Variants in PLCH1 observed in about 807,000 individuals in gnomAD.
PLCH1 encodes phospholipase C eta 1.
A neutral mutation model predicts 126.7 loss-of-function variants in PLCH1; 60 were observed. The observed-to-expected ratio is 0.47, with a 90% CI of 0.38 to 0.59. The LOEUF (loss-of-function observed/expected upper bound fraction) is 0.59, where lower values mean the gene tolerates loss of function less well. Among genes scored for constraint, PLCH1 ranks in the 20% least tolerant of loss-of-function variants. The pLI is 0.00. For missense variants in PLCH1, 1,723 were observed against 2,040.0 expected, an observed-to-expected ratio of 0.84 and a Z score of 2.99; for synonymous variants, 719 against 734.9, an observed-to-expected ratio of 0.98 and a Z score of 0.35.
At chr3:155,510,203 G>T (rs1350575598) in intron 12 of PLCH1, among the ~76,000 whole-genome samples, 2 of 109,424 alleles carry the variant, frequency 1.8e-5, no homozygotes, top group Non-Finnish European at 3.5e-5. Flanking sequence ...TTTTCCATTG[G>T]CTTGGTGGAT....
At chr3:155,732,638 G>A (rs145746240) in intron 1 of PLCH1, among the ~76,000 whole-genome samples, 5,200 of 152,162 alleles carry the variant, frequency 0.034, 121 homozygotes, top group Non-Finnish European at 0.052. Flanking sequence ...AGCACTTTGG[G>A]AAGCTGAGGC....
In PLCH1 at chr3:155,494,324, C is replaced by T; in HGVS notation, c.2074+14G>A. ...GAATATACAGAGAACCACTCCTTCC[C>T]AAGGAATACACACCTAGCTGGCAGC... On this transcript the variant is annotated intron_variant, in intron 16 of 22. Coordinates refer to ENST00000460012, the MANE Select transcript of PLCH1 (RefSeq NM_014996.4). The T allele has an allele frequency of 6.2e-7, 1 of 1,613,810 alleles. No individual in the cohort carries two copies. The highest frequency in any genetic ancestry group is 8.5e-7 in the Non-Finnish European group (1 of 1,179,742).
At chr3:155,512,841 T>A (rs1313653358) in intron 12 of PLCH1, among the ~76,000 whole-genome samples, 12 of 152,224 alleles carry the variant, frequency 7.9e-5, no homozygotes, top group Admixed American at 7.8e-4. Flanking sequence ...ATTTCTGAAC[T>A]ATCACTATGG....
rs542845919 is a variant in PLCH1, at chr3:155,629,940, T to C, written c.80-33562A>G. On this transcript the variant is annotated intron_variant, in intron 2 of 22. Transcript: ENST00000460012. Reference sequence around the variant, plus strand: ...CTCCTTTTTTATATTCAGGTGAAGATTAAGTAATTTAAAGGGACAAGTCCT... The same window carrying C: ...CTCCTTTTTTATATTCAGGTGAAGACTAAGTAATTTAAAGGGACAAGTCCT... Among the ~76,000 whole-genome samples, 3 of 152,334 alleles carry C rather than the reference T, an allele frequency of 2.0e-5. No homozygotes were observed. In the South Asian group the frequency reaches 6.2e-4, roughly 32 times the overall value.
At chr3:155,630,096 C>A (rs1737850793) in intron 2 of PLCH1, among the ~76,000 whole-genome samples, 1 of 152,142 alleles carries the variant, frequency 6.6e-6, no homozygotes, top group Non-Finnish European at 1.5e-5. Flanking sequence ...ATTTTCTGTG[C>A]CTAGACGAAT....
Position 155,482,022 on chromosome 3 carries a change from T to A in PLCH1, c.4004A>T (p.Asp1335Val), listed in dbSNP as rs1714153297. The A allele has an allele frequency of 1.9e-6, 3 of 1,614,148 alleles. No individual in the cohort carries two copies. The highest frequency in any genetic ancestry group is 2.5e-6 in the Non-Finnish European group (3 of 1,180,012). Residue 1335 changes from aspartate (D) to valine (V), a missense_variant, in exon 23 of 23, where the codon GAT (aspartate) becomes GTT (valine). By Grantham distance (152) the Asp-to-Val change is radical. Transcript: ENST00000460012. ...PASSPDLTLE[D>V]VIADPTLCFN... ...ACAGAGAGTGGGATCAGCTATTACA[T>A]CCTCCAGGGTCAAATCAGGGGAAGA...
intron 2 of PLCH1, among the ~76,000 whole-genome samples, chr3:155,624,421 A>G (rs1736968740): frequency 6.6e-6 from 1 of 152,208 alleles, no homozygotes; most frequent in Admixed American, 6.5e-5. Flanking sequence ...CAGGAGAAAG[A>G]AATAAAGGGT....
chr3:155,504,508 TC>T (rs1203621611), intron 13 of PLCH1, 46 bp downstream of exon 13: 1 of 1,026,408 alleles, frequency 9.7e-7, no homozygotes, highest in Non-Finnish European at 1.5e-6. Flanking sequence ...TCTTCCAGAA[TC>T]TTTAAATTAA....
chr3:155,491,553 G>A (rs917498373), intron 18 of PLCH1, among the ~76,000 whole-genome samples: 11 of 152,150 alleles, frequency 7.2e-5, no homozygotes, highest in African/African-American at 2.2e-4. Flanking sequence ...GTGAGCCACC[G>A]TGCCTGGTCA....
intron 1 of PLCH1, among the ~76,000 whole-genome samples, chr3:155,713,880 C>T (rs1366961118): frequency 2.0e-5 from 3 of 152,076 alleles, no homozygotes; most frequent in African/African-American, 7.2e-5. Flanking sequence ...CCCTAATATC[C>T]CAATCCATTC....
chr3:155,738,380 G>C (rs181886633), intron 1 of PLCH1, among the ~76,000 whole-genome samples: 161 of 152,310 alleles, frequency 1.1e-3, no homozygotes, highest in African/African-American at 3.7e-3. Context: ...AGTGGCTCGT[G>C]CCTGTAATCT....
chr3:155,601,984 GT>G (rs1490810295), intron 2 of PLCH1, among the ~76,000 whole-genome samples: 1 of 151,944 alleles, frequency 6.6e-6, no homozygotes, highest in Non-Finnish European at 1.5e-5. Context: ...TAAGCATAAT[GT>G]TTTTGAGTTT....
At chr3:155,541,911 G>A (rs1435701859) in intron 10 of PLCH1, among the ~76,000 whole-genome samples, 3 of 152,160 alleles carry the variant, frequency 2.0e-5, no homozygotes, top group Non-Finnish European at 2.9e-5. Flanking sequence ...GAGCCAAGAT[G>A]GCCGAATAGG....
intron 12 of PLCH1, among the ~76,000 whole-genome samples, chr3:155,512,709 T>C (rs2108226834): frequency 1.3e-5 from 2 of 152,286 alleles, no homozygotes; most frequent in Middle Eastern, 6.8e-3. Flanking sequence ...GTGTCACCGC[T>C]AGGAGCCAGA....
Position 155,500,702 on chromosome 3 carries a change from C to T in PLCH1, c.1796+1G>A. ...TAGGAAACATGGAGATGCTTTCTTA[C>T]CTGTACAGCTGGCCACCCTCCTTGC... On this transcript the variant is annotated splice_donor_variant, in intron 14 of 22. Coordinates refer to ENST00000460012, the MANE Select transcript of PLCH1 (RefSeq NM_014996.4). LOFTEE classifies it high-confidence loss of function. The T allele has an allele frequency of 6.3e-7, 1 of 1,594,110 alleles. No homozygotes were observed. Among genetic ancestry groups the T allele is most frequent in the Non-Finnish European group, 8.6e-7 (1 of 1,161,820 alleles).
chr3:155,505,713 T>C (rs1718554899), intron 12 of PLCH1, among the ~76,000 whole-genome samples: 1 of 152,178 alleles, frequency 6.6e-6, no homozygotes, highest in African/African-American at 2.4e-5. Context: ...GTTAACTGAT[T>C]CATACATGTT....
chr3:155,697,286 T>C (rs1220153007), intron 2 of PLCH1, among the ~76,000 whole-genome samples: 1 of 152,132 alleles, frequency 6.6e-6, no homozygotes, highest in Non-Finnish European at 1.5e-5. Flanking sequence ...TCTAAAATGT[T>C]AGTGAACAAG....
At chr3:155,644,589 C>T (rs372433263) in intron 2 of PLCH1, among the ~76,000 whole-genome samples, 15 of 151,736 alleles carry the variant, frequency 9.9e-5, no homozygotes, top group Admixed American at 2.0e-4. Context: ...GGCAACAGAA[C>T]GAGGCTCCAC....
chr3:155,719,889 G>A (rs1202937983), intron 1 of PLCH1, among the ~76,000 whole-genome samples: 3 of 151,738 alleles, frequency 2.0e-5, no homozygotes, highest in South Asian at 4.2e-4. Flanking sequence ...TCCGCCTCTC[G>A]AGCTCAAGCA....
Sources: gnomAD v4.1 joint callset for allele counts (sites outside exome capture counted in the v4.1 genomes callset) on GRCh38, gnomAD v4.1.1 for gene constraint, MANE v1.5 for transcripts, NCBI Gene and HGNC (gene_info 2026-07-23, HGNC 2026-07-21) for gene names.